FNDC3B: variants seen among roughly 807,000 people sequenced by gnomAD.
FNDC3B encodes fibronectin type III domain containing 3B.
Under a neutral mutation model 151.5 loss-of-function variants are expected in FNDC3B, and 12 were observed. The observed-to-expected ratio is 0.08, with a 90% CI of 0.05 to 0.13. FNDC3B has a LOEUF of 0.13. Ranked by LOEUF, FNDC3B falls within the 10% of genes least tolerant of loss-of-function variation. The pLI is 1.00. For missense variants in FNDC3B, 1,214 were observed against 1,505.3 expected (o/e 0.81, Z 3.20); for synonymous variants, 528 against 549.0 (o/e 0.96, Z 0.54).
chr3:172,380,484 C>T (rs1029764406), intron 24 of FNDC3B, among the ~76,000 whole-genome samples: 1 of 152,196 alleles, frequency 6.6e-6, no homozygotes, highest in Non-Finnish European at 1.5e-5. Flanking sequence ...CAGGTATGCT[C>T]TTTTCCTCCT....
intron 3 of FNDC3B, among the ~76,000 whole-genome samples, chr3:172,219,798 C>G (rs574603498): frequency 6.6e-6 from 1 of 152,278 alleles, no homozygotes; most frequent in African/African-American, 2.4e-5. Context: ...TGCTTCATTC[C>G]TTTTTATGGT....
At chr3:172,110,996 G>A (rs1576873515) in intron 1 of FNDC3B, among the ~76,000 whole-genome samples, 1 of 151,486 alleles carries the variant, frequency 6.6e-6, no homozygotes, top group Admixed American at 6.6e-5. Context: ...CTACTTAGGA[G>A]GTTGAGGCAG....
At position 172,394,106 on chromosome 3, in the gene FNDC3B, TAAAAAAAAAAAAAAAA is replaced by T. The variant is rs60559371; in HGVS notation, c.3304-3043_3304-3028del. ...CTGGGTGACAGAGTGAGACTCCTTC[TAAAAAAAAAAAAAAAA>T]AAAAAAAAAAAAAATGGATACAGCA... On this transcript the variant is annotated intron_variant, in intron 25 of 25. Transcript: ENST00000415807. Among the ~76,000 whole-genome samples, 59 of 16,658 alleles carry T rather than the reference TAAAAAAAAAAAAAAAA, an allele frequency of 3.5e-3. 1 individual carries two copies. In the South Asian group the frequency reaches 0.12, roughly 35 times the overall value. 10.9% of individuals were successfully genotyped at this position (16,658 alleles called of 152,430 possible). A position where few individuals can be genotyped will look rare whatever the true frequency, so the allele number is the denominator to read the frequency against.
At chr3:172,131,527 C>T (rs528930555) in intron 2 of FNDC3B, among the ~76,000 whole-genome samples, 2 of 152,042 alleles carry the variant, frequency 1.3e-5, no homozygotes, top group African/African-American at 2.4e-5. Flanking sequence ...AGATTATCTA[C>T]AGTTATTATA....
At chr3:172,209,539 G>A (rs1271517192) in intron 3 of FNDC3B, among the ~76,000 whole-genome samples, 1 of 152,180 alleles carries the variant, frequency 6.6e-6, no homozygotes, top group Admixed American at 6.5e-5. Context: ...GGGTTTTTAT[G>A]GGCTCAGAAG....
At chr3:172,378,822 T>C (rs1007516932) in intron 24 of FNDC3B, among the ~76,000 whole-genome samples, 4 of 152,168 alleles carry the variant, frequency 2.6e-5, no homozygotes, top group Non-Finnish European at 2.9e-5. Flanking sequence ...TTAGGCAACT[T>C]CAGCAGCCTT....
intron 21 of FNDC3B, 108 bp downstream of exon 21, chr3:172,347,469 A>G: frequency 1.3e-6 from 1 of 772,886 alleles, no homozygotes; most frequent in Non-Finnish European, 1.9e-6. Flanking sequence ...GAGGGATGAT[A>G]TGGAAAAAAA....
chr3:172,290,800 T>C (rs550649443), intron 7 of FNDC3B, among the ~76,000 whole-genome samples: 1 of 152,348 alleles, frequency 6.6e-6, no homozygotes, highest in South Asian at 2.1e-4. Flanking sequence ...CAGTATCCTT[T>C]TTCTTTAACC....
chr3:172,263,091 A>AT (rs1377684788), intron 6 of FNDC3B, among the ~76,000 whole-genome samples: 6 of 141,494 alleles, frequency 4.2e-5, no homozygotes, highest in African/African-American at 1.4e-4. Flanking sequence ...CAATATATAT[A>AT]AATATATATA....
At chr3:172,343,516 C>T (rs1374546996) in intron 18 of FNDC3B, among the ~76,000 whole-genome samples, 1 of 152,176 alleles carries the variant, frequency 6.6e-6, no homozygotes, top group Admixed American at 6.5e-5. Flanking sequence ...AATTCTTTCT[C>T]GTCTTTGTTT....
At chr3:172,062,895 A>G (rs995128482) in intron 1 of FNDC3B, among the ~76,000 whole-genome samples, 3 of 152,158 alleles carry the variant, frequency 2.0e-5, no homozygotes, top group Admixed American at 6.5e-5. Context: ...AATTAAGTGA[A>G]TGTAGGCAGA....
intron 11 of FNDC3B, 90 bp downstream of exon 11, chr3:172,310,971 T>C (rs1731446604): frequency 8.8e-6 from 8 of 908,324 alleles, no homozygotes; most frequent in Middle Eastern, 2.9e-4. Context: ...TTATAAGACA[T>C]GCTAAACACA....
intron 12 of FNDC3B, 86 bp from the exon 13 acceptor site, chr3:172,330,455 T>A: frequency 8.4e-7 from 1 of 1,183,664 alleles, no homozygotes; most frequent in Non-Finnish European, 1.2e-6. Context: ...CTGAGTTGGG[T>A]AGTGTGCAGG....
chr3:172,233,919 A>G (rs1378946406), intron 4 of FNDC3B, among the ~76,000 whole-genome samples: 2 of 152,114 alleles, frequency 1.3e-5, no homozygotes, highest in Non-Finnish European at 1.5e-5. Flanking sequence ...GTACTTAGAT[A>G]TTTCGTTTCA....
chr3:172,384,222 T>A (rs1735595312), intron 25 of FNDC3B, among the ~76,000 whole-genome samples: 1 of 152,246 alleles, frequency 6.6e-6, no homozygotes, highest in African/African-American at 2.4e-5. Context: ...AAAAACTTTA[T>A]CCTAAATATG....
intron 4 of FNDC3B, among the ~76,000 whole-genome samples, chr3:172,241,584 G>C (rs768976999): frequency 2.0e-5 from 3 of 151,594 alleles, no homozygotes; most frequent in Admixed American, 6.6e-5. Context: ...AAGAGCTTGT[G>C]CAAGGAGATT....
chr3:172,244,175 A>T (rs1283578755), intron 4 of FNDC3B, among the ~76,000 whole-genome samples: 1 of 152,176 alleles, frequency 6.6e-6, no homozygotes, highest in Non-Finnish European at 1.5e-5. Context: ...AGCACATAGT[A>T]TGTGTCAGGA....
chr3:172,179,377 T>G (rs1723766875), intron 3 of FNDC3B, among the ~76,000 whole-genome samples: 1 of 152,174 alleles, frequency 6.6e-6, no homozygotes, highest in African/African-American at 2.4e-5. Context: ...TGTTTATAAC[T>G]ATTATGCTCA....
At chr3:172,238,981 T>G (rs557448399) in intron 4 of FNDC3B, among the ~76,000 whole-genome samples, 1 of 152,204 alleles carries the variant, frequency 6.6e-6, no homozygotes, top group African/African-American at 2.4e-5. Flanking sequence ...ACCAGAGTTA[T>G]GGAGAAAAGT....
Sources: gnomAD v4.1 joint callset for allele counts (sites outside exome capture counted in the v4.1 genomes callset) on GRCh38, gnomAD v4.1.1 for gene constraint, MANE v1.5 for transcripts, NCBI Gene and HGNC (gene_info 2026-07-23, HGNC 2026-07-21) for gene names.